The following EIF4E3 variants were observed in gnomAD, a reference collection of about 807,000 sequenced individuals.
The protein encoded by EIF4E3 is eukaryotic translation initiation factor 4E type 3.
Under a neutral mutation model 31.7 loss-of-function variants are expected in EIF4E3, and 26 were observed. The ratio of observed to expected loss-of-function variants is 0.82; its 90% CI spans 0.60 to 1.14. EIF4E3 has a LOEUF of 1.14. EIF4E3 is among the 50% of genes most tolerant of loss of function. The probability of loss-of-function intolerance (pLI) is 0.00; values close to 1 mark genes in which losing one functional copy is unlikely to be tolerated. For synonymous variants in EIF4E3, 128 were observed against 107.7 expected (o/e 1.19, Z -1.17); for missense variants, 304 against 270.9 (o/e 1.12, Z -0.86).
At chr3:71,691,628 T>TA (rs1330645369) in intron 5 of EIF4E3, among the ~76,000 whole-genome samples, 1 of 152,202 alleles carries the variant, frequency 6.6e-6, no homozygotes, top group East Asian at 1.9e-4. Flanking sequence ...GGATGCTAGT[T>TA]ACAGTTGTAT....
chr3:71,752,311 A>G (rs956381212), intron 1 of EIF4E3, among the ~76,000 whole-genome samples: 8 of 152,172 alleles, frequency 5.3e-5, no homozygotes, highest in African/African-American at 1.9e-4. Context: ...GACTAGGTTT[A>G]CCGGCTCTGC....
chr3:71,673,655 A>G (rs2107984326), downstream of EIF4E3, among the ~76,000 whole-genome samples: 1 of 152,070 alleles, frequency 6.6e-6, no homozygotes, highest in South Asian at 2.1e-4. Flanking sequence ...AAAATGTCTA[A>G]GATACACTTC....
intron 1 of EIF4E3, among the ~76,000 whole-genome samples, chr3:71,718,309 T>C (rs562525706): frequency 6.6e-6 from 1 of 152,244 alleles, no homozygotes; most frequent in Non-Finnish European, 1.5e-5. Context: ...AAGAGTCGCA[T>C]ACAAAAATGG....
Position 71,682,891 on chromosome 3 carries a change from C to G in EIF4E3, c.*1791G>C, listed in dbSNP as rs59620287. 378 of 152,398 alleles carry G rather than the reference C, an allele frequency of 2.5e-3. 2 individuals are homozygous for G. Among genetic ancestry groups the G allele is most frequent in the African/African-American group, 9.0e-3 (373 of 41,464 alleles). The allele number at this position is 152,398 out of a possible 1,614,324, so 9.4% of individuals were successfully genotyped here. A position where few individuals can be genotyped will look rare whatever the true frequency, so the allele number is the denominator to read the frequency against. ...CAATTAGAGTGAAGTCAATTATATC[C>G]TTTTTTCAATCAGAAAAATACTTAT... On this transcript the variant is annotated 3_prime_UTR_variant, in exon 7 of 7. Transcript: ENST00000425534.
chr3:71,710,275 G>C, intron 2 of EIF4E3, 137 bp downstream of exon 2: 1 of 948,744 alleles, frequency 1.1e-6, no homozygotes, highest in Non-Finnish European at 1.7e-6. Flanking sequence ...GGGCAGCTGT[G>C]CCAACCTGGA....
chr3:71,720,174 G>C (rs1387923323), intron 1 of EIF4E3, among the ~76,000 whole-genome samples: 1 of 151,634 alleles, frequency 6.6e-6, no homozygotes, highest in African/African-American at 2.4e-5. Flanking sequence ...ATATATGTAT[G>C]TACGTACATA....
intron 1 of EIF4E3, among the ~76,000 whole-genome samples, chr3:71,710,711 GA>G (rs902463042): frequency 8.7e-5 from 13 of 150,276 alleles, no homozygotes; most frequent in African/African-American, 2.4e-4. Context: ...AAACTTAACA[GA>G]AAAAAAAAGA....
intron 1 of EIF4E3, among the ~76,000 whole-genome samples, chr3:71,720,673 G>T (rs949872255): frequency 1.3e-5 from 2 of 152,162 alleles, no homozygotes; most frequent in East Asian, 3.9e-4. Flanking sequence ...AGAGGAACAG[G>T]GCAAAGGAGT....
At chr3:71,700,612 TAAAA>T (rs377334249) in intron 2 of EIF4E3, among the ~76,000 whole-genome samples, 4 of 127,336 alleles carry the variant, frequency 3.1e-5, no homozygotes, top group African/African-American at 3.0e-5. Context: ...AGACTCCGTT[TAAAA>T]AAAAAAAAAA....
At chr3:71,744,089 T>C (rs1397814553) in intron 1 of EIF4E3, among the ~76,000 whole-genome samples, 1 of 151,924 alleles carries the variant, frequency 6.6e-6, no homozygotes, top group Non-Finnish European at 1.5e-5. Flanking sequence ...ATAATTCAAA[T>C]TGATAAACTG....
rs1164880439 is a variant in EIF4E3 at position 71,690,132 on chromosome 3, C to T, written c.506G>A (p.Arg169Gln). 1.1e-5 allele frequency: 17 copies of T among 1,612,790 alleles called. No homozygotes were observed. The highest frequency in any genetic ancestry group is 1.3e-5 in the African/African-American group (1 of 74,652). The change falls in exon 6 of 7, where the codon CGG (arginine) becomes CAG (glutamine). Residue 169 changes from arginine (R) to glutamine (Q), a missense_variant. Arg to Gln is a conservative substitution (Grantham distance 43). Coordinates refer to ENST00000425534, the MANE Select transcript of EIF4E3 (RefSeq NM_001134651.2). ...GACTTGGACGACGTCTTCTCGGTCCCGAACACTGACACTAACTCCTATTAC... is the reference window on the plus strand; with the variant it reads ...GACTTGGACGACGTCTTCTCGGTCCTGAACACTGACACTAACTCCTATTAC... Reference protein sequence around the residue: ...DEVIGVSVSVRDREDVVQVWN... With the variant: ...DEVIGVSVSVQDREDVVQVWN...
At chr3:71,670,539 A>C (rs551393041), downstream of EIF4E3, among the ~76,000 whole-genome samples, 1 of 152,316 alleles carries the variant, frequency 6.6e-6, no homozygotes, top group South Asian at 2.1e-4. Context: ...AATAAAAAAA[A>C]GTTTTTGGTG....
In EIF4E3 at chr3:71,722,800, G is replaced by A. The variant is rs551688205; in HGVS notation, c.176+2392C>T. The stretch of plus-strand genomic sequence containing the variant: ...GGGGTGTGGGTATGGGGAGGGGTTG[G>A]TAGCTGGGGAGCATGGTAATGACAG... On this transcript the variant is annotated intron_variant, in intron 1 of 6. Coordinates refer to ENST00000425534, the MANE Select transcript of EIF4E3 (RefSeq NM_001134651.2). 3.3e-5 allele frequency among the ~76,000 whole-genome samples: 5 copies of A among 152,312 alleles called. No individual in the cohort carries two copies. The East Asian group carries it at 9.6e-4, about 29-fold the overall frequency.
intron 1 of EIF4E3, among the ~76,000 whole-genome samples, chr3:71,721,092 G>A (rs996421433): frequency 6.6e-6 from 1 of 152,178 alleles, no homozygotes; most frequent in East Asian, 1.9e-4. Flanking sequence ...AGTGCCTGTG[G>A]ATTTCCTTAG....
At chr3:71,692,844 C>G (rs2049082388) in intron 5 of EIF4E3, among the ~76,000 whole-genome samples, 1 of 152,294 alleles carries the variant, frequency 6.6e-6, no homozygotes, top group South Asian at 2.1e-4. Context: ...ATCCTCCCAT[C>G]TTGGCCTCCC....
At chr3:71,692,596 TTC>T (rs139017115) in intron 5 of EIF4E3, among the ~76,000 whole-genome samples, 26,179 of 148,362 alleles carry the variant, frequency 0.18, 2,955 homozygotes, top group East Asian at 0.61. Context: ...AACCCAGGTC[TTC>T]TTTTTTTTTT....
chr3:71,660,265 T>C, the EIF4E3 span, among the ~76,000 whole-genome samples: 2 of 151,860 alleles, frequency 1.3e-5, no homozygotes, highest in African/African-American at 2.4e-5. Flanking sequence ...TGTTCTCCGA[T>C]GATGAGCAGG....
Position 71,690,095 on chromosome 3 carries a change from A to G in EIF4E3, c.543T>C (p.Asn181=), listed in dbSNP as rs1553660003. 4.3e-6 allele frequency: 7 copies of G among 1,613,990 alleles called. No homozygotes were observed. In the South Asian group the frequency reaches 6.6e-5, roughly 15 times the overall value. The part of the protein sequence containing the change: ...REDVVQVWNV[N]ASLVGEATVL... ...CAGTCGCTTCACCCACTAAAGAGGC[A>G]TTTACATTCCAGACTTGGACGACGT... is the stretch of plus-strand genomic sequence containing the variant. Residue 181 remains asparagine, a synonymous_variant, in exon 6 of 7, where the codon AAT becomes AAC. Coordinates refer to ENST00000425534, the MANE Select transcript of EIF4E3 (RefSeq NM_001134651.2).
intron 5 of EIF4E3, among the ~76,000 whole-genome samples, 177 bp downstream of exon 5, chr3:71,693,698 A>G (rs1359048427): frequency 6.6e-6 from 1 of 152,250 alleles, no homozygotes; most frequent in African/African-American, 2.4e-5. Flanking sequence ...ACAGACACAC[A>G]TATCTAACAC....
Sources: gnomAD v4.1 joint callset for allele counts (sites outside exome capture counted in the v4.1 genomes callset) on GRCh38, gnomAD v4.1.1 for gene constraint, MANE v1.5 for transcripts, NCBI Gene and HGNC (gene_info 2026-07-23, HGNC 2026-07-21) for gene names.